The following SLC44A5 variants were observed in gnomAD, a reference collection of about 807,000 sequenced individuals.
The protein encoded by SLC44A5 is solute carrier family 44 member 5.
SLC44A5 carries 57 observed loss-of-function variants against 101.8 expected under a neutral mutation model. The ratio of observed to expected loss-of-function variants is 0.56; its 90% CI spans 0.45 to 0.70. The LOEUF is 0.70. SLC44A5 is among the 30% of genes least tolerant of loss of function. SLC44A5 has a pLI of 0.00. For synonymous variants in SLC44A5, 281 were observed against 290.9 expected (o/e 0.97, Z 0.35); for missense variants, 737 against 853.1 (o/e 0.86, Z 1.70).
chr1:75,386,865 TA>T (rs1661393474), intron 3 of SLC44A5, among the ~76,000 whole-genome samples: 2 of 152,118 alleles, frequency 1.3e-5, no homozygotes, highest in African/African-American at 4.8e-5. Flanking sequence ...AACAGAGATA[TA>T]GATCAATGGA....
intron 2 of SLC44A5, among the ~76,000 whole-genome samples, chr1:75,462,865 TA>T (rs1557810340): frequency 6.6e-6 from 1 of 151,960 alleles, no homozygotes; most frequent in African/African-American, 2.4e-5. Context: ...AGAATTTTTT[TA>T]AAAAAATGAA....
intron 2 of SLC44A5, among the ~76,000 whole-genome samples, chr1:75,464,409 CATACAATGG>C (rs1412398754): frequency 1.4e-5 from 2 of 147,248 alleles, no homozygotes; most frequent in Non-Finnish European, 3.0e-5. Context: ...AACCAGAAAA[CATACAATGG>C]ATACACAAAA....
At chr1:75,675,593 TA>T in the SLC44A5 span, among the ~76,000 whole-genome samples, 1 of 152,204 alleles carries the variant, frequency 6.6e-6, no homozygotes, top group South Asian at 2.1e-4. Context: ...TCAAAAACTA[TA>T]AAAACCCTAG....
chr1:75,430,526 C>T (rs1664558054), intron 2 of SLC44A5, among the ~76,000 whole-genome samples: 1 of 152,266 alleles, frequency 6.6e-6, no homozygotes, highest in Non-Finnish European at 1.5e-5. Context: ...CCTTACTGAT[C>T]ACTGTTAGTG....
chr1:75,625,245 A>T, the SLC44A5 span, among the ~76,000 whole-genome samples: 3 of 152,132 alleles, frequency 2.0e-5, no homozygotes, highest in African/African-American at 7.2e-5. Context: ...CCAAAGAGCT[A>T]AATTTTCCTT....
intron 3 of SLC44A5, among the ~76,000 whole-genome samples, chr1:75,376,571 C>G (rs965756240): frequency 2.0e-5 from 3 of 152,170 alleles, no homozygotes; most frequent in African/African-American, 7.2e-5. Context: ...CAGGGGCACA[C>G]TGACACCTCA....
chr1:75,488,328 C>G (rs1668260666), intron 2 of SLC44A5, among the ~76,000 whole-genome samples: 1 of 152,168 alleles, frequency 6.6e-6, no homozygotes, highest in South Asian at 2.1e-4. Context: ...TAGCCCATTG[C>G]TTCTAGGTAA....
chr1:75,404,925 C>A (rs1237461422), intron 2 of SLC44A5, among the ~76,000 whole-genome samples: 1 of 152,212 alleles, frequency 6.6e-6, no homozygotes, highest in African/African-American at 2.4e-5. Flanking sequence ...AGTCAAGACC[C>A]ATTAGTGTGC....
intron 1 of SLC44A5, among the ~76,000 whole-genome samples, chr1:75,602,210 G>A (rs747104709): frequency 7.2e-5 from 11 of 152,174 alleles, no homozygotes; most frequent in East Asian, 1.9e-4. Context: ...ATTTGCCTAC[G>A]CTTCATTATA....
intron 4 of SLC44A5, among the ~76,000 whole-genome samples, chr1:75,307,454 T>G (rs900227009): frequency 2.6e-5 from 4 of 152,162 alleles, no homozygotes; most frequent in African/African-American, 9.7e-5. Flanking sequence ...TTTGGGGCCA[T>G]CTTTCAAGCT....
intron 2 of SLC44A5, among the ~76,000 whole-genome samples, chr1:75,476,489 T>C (rs188661590): frequency 6.6e-6 from 1 of 152,166 alleles, no homozygotes; most frequent in East Asian, 1.9e-4. Context: ...GGGAGTTCTC[T>C]TTCCTAGTCA....
chr1:75,598,955 AAT>A (rs1433418005), intron 1 of SLC44A5, among the ~76,000 whole-genome samples: 11 of 152,160 alleles, frequency 7.2e-5, no homozygotes, highest in Non-Finnish European at 1.2e-4. Flanking sequence ...TTCATAAACA[AAT>A]ATATATATAA....
intron 1 of SLC44A5, among the ~76,000 whole-genome samples, chr1:75,552,605 A>T (rs926982704): frequency 1.3e-5 from 2 of 149,810 alleles, no homozygotes; most frequent in African/African-American, 4.9e-5. Context: ...TGAATTTTTT[A>T]AAGCATAAAT....
At chr1:75,280,985 C>T (rs1039000487) in intron 5 of SLC44A5, among the ~76,000 whole-genome samples, 20 of 151,888 alleles carry the variant, frequency 1.3e-4, no homozygotes, top group Admixed American at 1.3e-4. Context: ...TATAAAGACA[C>T]CCAAAAATGT....
intron 2 of SLC44A5, among the ~76,000 whole-genome samples, chr1:75,517,500 G>A (rs189823730): frequency 1.9e-3 from 290 of 152,150 alleles, no homozygotes; most frequent in African/African-American, 6.2e-3. Context: ...AAACAAAAGC[G>A]GGAAAGCAAA....
chr1:75,505,888 T>C (rs1483482705), intron 2 of SLC44A5, among the ~76,000 whole-genome samples: 2 of 152,100 alleles, frequency 1.3e-5, no homozygotes, highest in South Asian at 2.1e-4. Context: ...TTTATTGAAA[T>C]TACTTTTGAG....
intron 2 of SLC44A5, among the ~76,000 whole-genome samples, chr1:75,409,564 A>G (rs1364997946): frequency 1.3e-5 from 2 of 152,188 alleles, no homozygotes; most frequent in Non-Finnish European, 2.9e-5. Flanking sequence ...ACTTCAGTCC[A>G]GATAGCAAAG....
intron 6 of SLC44A5, among the ~76,000 whole-genome samples, chr1:75,269,790 T>C (rs1651312971): frequency 6.6e-6 from 1 of 152,140 alleles, no homozygotes. Context: ...ATATATTTAC[T>C]CCAATATTTT....
the SLC44A5 span, among the ~76,000 whole-genome samples, chr1:75,681,692 T>G: frequency 1.3e-5 from 2 of 148,978 alleles, no homozygotes; most frequent in Non-Finnish European, 3.0e-5. Context: ...CTTTGAAAAC[T>G]GGCACAAGAC....
Sources: allele counts gnomAD v4.1 joint callset (sites outside exome capture counted in the v4.1 genomes callset), GRCh38; gene constraint gnomAD v4.1.1; transcripts MANE v1.5; gene names NCBI Gene and HGNC (gene_info 2026-07-23, HGNC 2026-07-21).